RUNX2: variants seen among roughly 807,000 people sequenced by gnomAD.
RUNX2 encodes runt-related transcription factor 2.
A neutral mutation model predicts 51.7 loss-of-function variants in RUNX2; 10 were observed. That is an observed-to-expected ratio of 0.19 (90% confidence interval 0.12 to 0.33). The LOEUF is 0.33. Among genes scored for constraint, RUNX2 ranks in the 10% least tolerant of loss-of-function variants. The probability of loss-of-function intolerance (pLI) is 1.00; values close to 1 mark genes in which losing one functional copy is unlikely to be tolerated. For missense variants in RUNX2, 562 were observed against 691.3 expected (o/e 0.81, Z 2.10); for synonymous variants, 276 against 273.6 (o/e 1.01, Z -0.09).
At chr6:45,425,996 C>T (rs979694553) in intron 3 of RUNX2, among the ~76,000 whole-genome samples, 5 of 152,004 alleles carry the variant, frequency 3.3e-5, no homozygotes, top group Admixed American at 2.0e-4. Context: ...AGCTTGACAC[C>T]GCAGAGAATC....
chr6:45,504,493 A>G (rs1232169944), intron 6 of RUNX2, among the ~76,000 whole-genome samples: 2 of 152,202 alleles, frequency 1.3e-5, no homozygotes, highest in Non-Finnish European at 2.9e-5. Flanking sequence ...GGAGGAGGCC[A>G]TTTGTTTGTA....
intron 5 of RUNX2, among the ~76,000 whole-genome samples, chr6:45,457,084 G>T (rs986889717): frequency 1.3e-5 from 2 of 151,888 alleles, no homozygotes; most frequent in African/African-American, 4.8e-5. Context: ...TTGGGAGGAG[G>T]GGGCAAAAGT....
intron 2 of RUNX2, among the ~76,000 whole-genome samples, chr6:45,331,184 A>T (rs1273357581): frequency 6.6e-6 from 1 of 151,930 alleles, no homozygotes; most frequent in Non-Finnish European, 1.5e-5. Context: ...ATCTCTCAGC[A>T]TACTTCACTT....
At chr6:45,488,234 A>T (rs1192349460) in intron 5 of RUNX2, among the ~76,000 whole-genome samples, 1 of 152,224 alleles carries the variant, frequency 6.6e-6, no homozygotes, top group Non-Finnish European at 1.5e-5. Flanking sequence ...GTGAGAGATA[A>T]GGAGAAATCA....
chr6:45,346,229 A>G (rs532740595), intron 2 of RUNX2, among the ~76,000 whole-genome samples: 1 of 152,160 alleles, frequency 6.6e-6, no homozygotes, highest in Non-Finnish European at 1.5e-5. Context: ...ATATGTAAAT[A>G]TATATAATTC....
chr6:45,446,689 C>G (rs761868724), intron 5 of RUNX2, among the ~76,000 whole-genome samples: 21 of 152,072 alleles, frequency 1.4e-4, no homozygotes, highest in Non-Finnish European at 2.5e-4. Context: ...ATTGCTTTTC[C>G]CATTCATACC....
At chr6:45,475,123 TA>T (rs35187443) in intron 5 of RUNX2, among the ~76,000 whole-genome samples, 37,017 of 128,920 alleles carry the variant, frequency 0.29, 5,105 homozygotes, top group Non-Finnish European at 0.35. Flanking sequence ...GACTCCATCT[TA>T]AAAAAAAAAA....
chr6:45,499,292 G>A (rs775263928), intron 6 of RUNX2, among the ~76,000 whole-genome samples: 100 of 150,942 alleles, frequency 6.6e-4, no homozygotes, highest in Non-Finnish European at 1.3e-3. Flanking sequence ...ATTTGCTGCT[G>A]CCTTGCACAT....
intron 7 of RUNX2, among the ~76,000 whole-genome samples, chr6:45,535,113 G>A (rs1351417239): frequency 6.6e-6 from 1 of 152,172 alleles, no homozygotes; most frequent in Non-Finnish European, 1.5e-5. Context: ...TGGGAGGAGG[G>A]AGAGGATCAG....
chr6:45,483,280 C>T (rs778869015), intron 5 of RUNX2, among the ~76,000 whole-genome samples: 23 of 152,108 alleles, frequency 1.5e-4, no homozygotes, highest in Non-Finnish European at 2.6e-4. Context: ...AAAAAGATGA[C>T]GCAGCAGCCT....
chr6:45,386,626 T>C (rs1187255592), intron 2 of RUNX2, among the ~76,000 whole-genome samples: 1 of 152,220 alleles, frequency 6.6e-6, no homozygotes, highest in Non-Finnish European at 1.5e-5. Context: ...AAGCTCTTAA[T>C]AAATGTTGGG....
intron 7 of RUNX2, among the ~76,000 whole-genome samples, chr6:45,533,932 T>TCATCCAG (rs1801946645): frequency 7.1e-6 from 1 of 141,790 alleles, no homozygotes; most frequent in South Asian, 2.3e-4. Flanking sequence ...TCTCGCTCTG[T>TCATCCAG]CATCCAGGCT....
At chr6:45,491,624 T>TTG (rs1298617823) in intron 5 of RUNX2, among the ~76,000 whole-genome samples, 116 of 137,988 alleles carry the variant, frequency 8.4e-4, no homozygotes, top group African/African-American at 3.2e-3. Context: ...TCCTGTTTGT[T>TTG]TTTTTTTTTT....
At chr6:45,476,521 A>C (rs2819866) in intron 5 of RUNX2, among the ~76,000 whole-genome samples, 14 of 152,072 alleles carry the variant, frequency 9.2e-5, no homozygotes, top group Non-Finnish European at 1.6e-4. Flanking sequence ...CAAGTGACAC[A>C]TACAGAGCCA....
At chr6:45,538,584 A>G (rs928286060) in intron 7 of RUNX2, among the ~76,000 whole-genome samples, 1 of 152,088 alleles carries the variant, frequency 6.6e-6, no homozygotes, top group African/African-American at 2.4e-5. Flanking sequence ...TTTGGTAGCC[A>G]TAAGTCATTA....
At chr6:45,405,346 C>T (rs928582767) in intron 2 of RUNX2, among the ~76,000 whole-genome samples, 3 of 152,166 alleles carry the variant, frequency 2.0e-5, no homozygotes, top group African/African-American at 7.2e-5. Flanking sequence ...AATTTTGTGC[C>T]TTGACAGAGT....
intron 5 of RUNX2, among the ~76,000 whole-genome samples, chr6:45,471,499 T>C (rs1249934544): frequency 6.6e-6 from 1 of 150,854 alleles, no homozygotes; most frequent in African/African-American, 2.4e-5. Context: ...GGCTGGAGTG[T>C]GGTGGCGCGA....
intron 2 of RUNX2, among the ~76,000 whole-genome samples, chr6:45,353,182 A>G (rs943119179): frequency 6.6e-6 from 1 of 152,128 alleles, no homozygotes; most frequent in African/African-American, 2.4e-5. Context: ...AATGAATTGC[A>G]CAGACCAATG....
intron 5 of RUNX2, among the ~76,000 whole-genome samples, chr6:45,452,266 C>T (rs1255713561): frequency 6.6e-6 from 1 of 152,170 alleles, no homozygotes; most frequent in African/African-American, 2.4e-5. Flanking sequence ...AAAAATCAAC[C>T]TCAAGGAATT....
Sources: gnomAD v4.1 joint callset for allele counts (sites outside exome capture counted in the v4.1 genomes callset) on GRCh38, gnomAD v4.1.1 for gene constraint, MANE v1.5 for transcripts, NCBI Gene and HGNC (gene_info 2026-07-23, HGNC 2026-07-21) for gene names.